ADARB1: variants seen among roughly 807,000 people sequenced by gnomAD.
The protein encoded by ADARB1 is adenosine deaminase RNA specific B1, also known as double-stranded RNA-specific editase 1.
A neutral mutation model predicts 52.4 loss-of-function variants in ADARB1; 10 were observed. The observed-to-expected ratio is 0.19, with a 90% CI of 0.12 to 0.32. The LOEUF (loss-of-function observed/expected upper bound fraction) is 0.32, where lower values mean the gene tolerates loss of function less well. Ranked by LOEUF, ADARB1 falls within the 10% of genes least tolerant of loss-of-function variation. The pLI is 1.00. For synonymous variants in ADARB1, 349 were observed against 371.1 expected (o/e 0.94, Z 0.68); for missense variants, 643 against 922.3 (o/e 0.70, Z 3.92).
rs199682490 is a variant in ADARB1, at chr21:45,224,664, C to T, written c.*2467C>T. The T allele has an allele frequency of 7.8e-6, 6 of 767,804 alleles. No homozygotes were observed. Among genetic ancestry groups the T allele is most frequent in the Middle Eastern group, 6.7e-4 (1 of 1,484 alleles). 47.6% of individuals were successfully genotyped at this position (767,804 alleles called of 1,614,324 possible). On this transcript the variant is annotated 3_prime_UTR_variant, in exon 11 of 11. Transcript: ENST00000348831. ...GTGGCTGTCAGGGGGAACTGGGTTCCGGGAGCCCTGGGCCGGGGCAGGGGG... is the reference window on the plus strand; with the variant it reads ...GTGGCTGTCAGGGGGAACTGGGTTCTGGGAGCCCTGGGCCGGGGCAGGGGG...
chr21:45,170,045 C>G (rs2091418083), intron 2 of ADARB1, among the ~76,000 whole-genome samples: 1 of 152,200 alleles, frequency 6.6e-6, no homozygotes. Flanking sequence ...ATCGGTCCTT[C>G]CATAATGGAA....
At chr21:45,201,565 A>C (rs1257573851) in intron 8 of ADARB1, among the ~76,000 whole-genome samples, 1 of 152,170 alleles carries the variant, frequency 6.6e-6, no homozygotes, top group Non-Finnish European at 1.5e-5. Flanking sequence ...CTTCATTTTC[A>C]TTTCCATTTT....
At chr21:45,124,446 C>T (rs2088427836) in intron 1 of ADARB1, among the ~76,000 whole-genome samples, 1 of 152,152 alleles carries the variant, frequency 6.6e-6, no homozygotes, top group Admixed American at 6.5e-5. Context: ...GCAATTTCGG[C>T]TCACTGCAGC....
At chr21:45,113,491 G>GTATATA (rs757626683) in intron 1 of ADARB1, among the ~76,000 whole-genome samples, 3 of 119,474 alleles carry the variant, frequency 2.5e-5, no homozygotes, top group South Asian at 2.8e-4. Context: ...GTGTGTGTGT[G>GTATATA]TATATATGTG....
At position 45,222,365 on chromosome 21, in the gene ADARB1, G is replaced by T; in HGVS notation, c.*168G>T. The T allele has an allele frequency of 7.3e-7, 1 of 1,372,306 alleles. No individual in the cohort carries two copies. The highest frequency in any genetic ancestry group is 9.3e-7 in the Non-Finnish European group (1 of 1,069,960). 85.0% of individuals were successfully genotyped at this position (1,372,306 alleles called of 1,614,324 possible). On this transcript the variant is annotated 3_prime_UTR_variant, in exon 11 of 11. Coordinates refer to ENST00000348831, the MANE Select transcript of ADARB1 (RefSeq NM_001112.4). ...CCCCAGCATCTCACATCAGACCTGG[G>T]GCAGGTGCGCAGTGTGGGGAGGGGA...
At chr21:45,134,550 C>T (rs1197006526) in intron 2 of ADARB1, among the ~76,000 whole-genome samples, 2 of 152,084 alleles carry the variant, frequency 1.3e-5, no homozygotes, top group African/African-American at 4.8e-5. Context: ...GTGCACCTGG[C>T]AGAGGTGTGT....
At chr21:45,116,259 C>A (rs1245768337) in intron 1 of ADARB1, among the ~76,000 whole-genome samples, 1 of 152,278 alleles carries the variant, frequency 6.6e-6, no homozygotes, top group African/African-American at 2.4e-5. Flanking sequence ...CAGGGTGGGG[C>A]TGGCCTGGGT....
intron 9 of ADARB1, among the ~76,000 whole-genome samples, chr21:45,215,348 G>C (rs1377728131): frequency 6.6e-6 from 1 of 152,130 alleles, no homozygotes; most frequent in Non-Finnish European, 1.5e-5. Context: ...ATATCTGGCT[G>C]CTGTAGGTTT....
At chr21:45,094,757 T>C (rs2086690237) in intron 1 of ADARB1, among the ~76,000 whole-genome samples, 1 of 152,046 alleles carries the variant, frequency 6.6e-6, no homozygotes, top group African/African-American at 2.4e-5. Flanking sequence ...AAATGAGACA[T>C]GGTCCTTGCT....
chr21:45,210,583 C>T (rs966046204), intron 9 of ADARB1, among the ~76,000 whole-genome samples: 4 of 152,254 alleles, frequency 2.6e-5, no homozygotes, highest in African/African-American at 9.6e-5. Context: ...CAGATTCTTA[C>T]ATGCTTCCCT....
rs1195636189 is a variant in ADARB1, at chr21:45,221,271, G to A, written c.1926+257G>A. On this transcript the variant is annotated intron_variant, in intron 10 of 10. Coordinates refer to ENST00000348831, the MANE Select transcript of ADARB1 (RefSeq NM_001112.4). This position sits in a 1 kb window ranked among gnomAD's most constrained non-coding sequence, Gnocchi z 4.9. ...ACCCACTGCCAGGCCACTGTGTGTG[G>A]TGGAAACGTCTCTTACTCTCAGATA... 4.6e-5 allele frequency among the ~76,000 whole-genome samples: 7 copies of A among 152,202 alleles called. No individual in the cohort carries two copies. The highest frequency in any genetic ancestry group is 1.7e-4 in the African/African-American group (7 of 41,452).
intron 1 of ADARB1, among the ~76,000 whole-genome samples, chr21:45,111,023 A>C (rs1324121874): frequency 6.6e-6 from 1 of 152,186 alleles, no homozygotes; most frequent in African/African-American, 2.4e-5. Context: ...CTTGGAAGAC[A>C]ATCAGGGTCT....
chr21:45,223,841 G>A lies in ADARB1; in HGVS notation c.*1644G>A, dbSNP rs1417009457. On this transcript the variant is annotated 3_prime_UTR_variant, in exon 11 of 11. Transcript: ENST00000348831. The stretch of plus-strand genomic sequence containing the variant: ...GTCCACACAGATCTCGTCGCAGCAC[G>A]GCAGGAAGGGGTGCTGCTTAGGGCT... 3.0e-5 allele frequency: 30 copies of A among 985,260 alleles called. No individual in the cohort carries two copies. In the Admixed American group the frequency reaches 3.7e-4, roughly 12 times the overall value. 61.0% of individuals were successfully genotyped at this position (985,260 alleles called of 1,614,324 possible).
chr21:45,203,872 T>C (rs1601951865), intron 8 of ADARB1, among the ~76,000 whole-genome samples: 1 of 152,238 alleles, frequency 6.6e-6, no homozygotes, highest in Non-Finnish European at 1.5e-5. Context: ...CTGTAGATAG[T>C]ACTGAACCCT....
chr21:45,094,087 G>A (rs911967860), intron 1 of ADARB1, among the ~76,000 whole-genome samples: 4 of 152,118 alleles, frequency 2.6e-5, no homozygotes, highest in African/African-American at 9.7e-5. Context: ...TATATTTAAT[G>A]TTCTCTTTCA....
In ADARB1 at chr21:45,176,211, C is replaced by A; in HGVS notation, c.510C>A (p.Ala170=). 1.9e-6 allele frequency: 3 copies of A among 1,614,180 alleles called. No individual in the cohort carries two copies. The change falls in exon 4 of 11, where the codon GCC becomes GCA. Residue 170 remains alanine (A), a synonymous_variant. Transcript: ENST00000348831. This position sits in a 1 kb window ranked among gnomAD's most constrained non-coding sequence, Gnocchi z 5.8. The part of the protein sequence containing the change: ...SVNTDFTSDQ[A]DFPDTLFNGF... ...ACACGGACTTCACATCTGACCAGGC[C>A]GACTTCCCTGACACGCTCTTCAATG...
intron 1 of ADARB1, among the ~76,000 whole-genome samples, chr21:45,075,315 G>A (rs1282283200): frequency 1.3e-5 from 2 of 151,596 alleles, no homozygotes; most frequent in African/African-American, 2.4e-5. Context: ...CGCTCCGCCC[G>A]GCATGGGACG....
intron 8 of ADARB1, among the ~76,000 whole-genome samples, chr21:45,189,391 GA>G (rs1322829386): frequency 1.3e-5 from 2 of 152,046 alleles, no homozygotes; most frequent in Non-Finnish European, 2.9e-5. Context: ...CTTTGTTATT[GA>G]AGTCACAAAT....
intron 9 of ADARB1, among the ~76,000 whole-genome samples, chr21:45,211,507 A>C (rs2092769312): frequency 6.6e-6 from 1 of 152,216 alleles, no homozygotes; most frequent in Non-Finnish European, 1.5e-5. Flanking sequence ...TGAACCCATA[A>C]TAACCCTAAA....
Sources: gnomAD v4.1 joint callset for allele counts (sites outside exome capture counted in the v4.1 genomes callset) on GRCh38, gnomAD v4.1.1 for gene constraint, Gnocchi (gnomAD v3.1) non-coding constraint, MANE v1.5 for transcripts, NCBI Gene and HGNC (gene_info 2026-07-23, HGNC 2026-07-21) for gene names.